The following AVEN variants were observed in gnomAD, a reference collection of about 807,000 sequenced individuals.
AVEN encodes the protein apoptosis and caspase activation inhibitor, also known as cell death regulator Aven.
A neutral mutation model predicts 38.1 loss-of-function variants in AVEN; 41 were observed. The ratio of observed to expected loss-of-function variants is 1.08; its 90% CI spans 0.84 to 1.40. AVEN has a LOEUF of 1.40. AVEN is among the 40% of genes most tolerant of loss of function. AVEN has a pLI of 0.00. For missense variants in AVEN, 605 were observed against 438.8 expected (o/e 1.38, Z -3.38); for synonymous variants, 206 against 171.8 (o/e 1.20, Z -1.56).
chr15:33,894,260 A>G (rs1892113808), intron 2 of AVEN, among the ~76,000 whole-genome samples: 1 of 151,996 alleles, frequency 6.6e-6, no homozygotes, highest in African/African-American at 2.4e-5. Context: ...GATGCCAAGA[A>G]TTTTAAATAG....
At chr15:33,871,774 C>CGAAAAAAAAAAAAAAAAA (rs1890963360) in intron 3 of AVEN, among the ~76,000 whole-genome samples, 1 of 91,588 alleles carries the variant, frequency 1.1e-5, no homozygotes, top group Non-Finnish European at 2.3e-5. Context: ...CTAGTCTCCT[C>CGAAAAAAAAAAAAAAAAA]AAAAAAAAAA....
intron 2 of AVEN, among the ~76,000 whole-genome samples, chr15:33,978,902 A>G (rs529296504): frequency 2.4e-4 from 36 of 150,358 alleles, no homozygotes; most frequent in African/African-American, 8.5e-4. Context: ...TGAAAAATGG[A>G]CAGAGGAAAG....
chr15:33,903,035 T>A (rs1892551682), intron 2 of AVEN, among the ~76,000 whole-genome samples: 9 of 152,274 alleles, frequency 5.9e-5, no homozygotes, highest in Admixed American at 5.2e-4. Context: ...ATCCCTCACC[T>A]TATAAAACAG....
rs1232578742 is a variant in AVEN at position 33,903,355 on chromosome 15, C to T, written c.446-27360G>A. 2.6e-5 allele frequency among the ~76,000 whole-genome samples: 4 copies of T among 152,342 alleles called. No homozygotes were observed. In the East Asian group the frequency reaches 5.8e-4, roughly 22 times the overall value. On this transcript the variant is annotated intron_variant, in intron 2 of 5. Transcript: ENST00000306730. The stretch of plus-strand genomic sequence containing the variant: ...GCAGCAACAGCAGGTCTTCAGTCAG[C>T]TCTGCAATGTGAGGCCCTATACTAG...
chr15:34,073,365 C>CT (rs940342059), intron 1 of AVEN, among the ~76,000 whole-genome samples: 6 of 151,368 alleles, frequency 4.0e-5, no homozygotes, highest in Admixed American at 2.6e-4. Context: ...TGTACAGACA[C>CT]TTTTTTAAAC....
chr15:33,865,501 G>A (rs1447115957), downstream of AVEN: 4 of 384,526 alleles, frequency 1.0e-5, no homozygotes, highest in East Asian at 9.2e-5. Flanking sequence ...CCAGTTCTGA[G>A]GTAACTAGTT....
chr15:33,868,349 C>G (rs1166973053), intron 4 of AVEN, among the ~76,000 whole-genome samples: 1 of 150,962 alleles, frequency 6.6e-6, no homozygotes, highest in East Asian at 2.0e-4. Flanking sequence ...TGGTGAAACC[C>G]TGTCTCTACT....
At chr15:34,026,875 T>G (rs1898496259) in intron 1 of AVEN, among the ~76,000 whole-genome samples, 1 of 152,216 alleles carries the variant, frequency 6.6e-6, no homozygotes. Context: ...AAAACTCTGT[T>G]GTTCCAAAGA....
At chr15:33,895,922 T>C (rs1283852252) in intron 2 of AVEN, among the ~76,000 whole-genome samples, 1 of 152,162 alleles carries the variant, frequency 6.6e-6, no homozygotes, top group Non-Finnish European at 1.5e-5. Context: ...TCACAAAGTC[T>C]GCCCCCTAAT....
chr15:33,911,517 T>C (rs975291542), intron 2 of AVEN, among the ~76,000 whole-genome samples: 11 of 152,210 alleles, frequency 7.2e-5, no homozygotes, highest in Admixed American at 2.0e-4. Context: ...AAAAGAGGTA[T>C]ACATCTTATT....
chr15:34,031,058 C>T (rs1460110217), intron 1 of AVEN, among the ~76,000 whole-genome samples: 2 of 150,704 alleles, frequency 1.3e-5, no homozygotes, highest in Non-Finnish European at 2.9e-5. Context: ...TAACTTGACA[C>T]AGTTAAATAC....
chr15:33,884,498 T>C (rs925680584), intron 2 of AVEN, among the ~76,000 whole-genome samples: 3 of 152,168 alleles, frequency 2.0e-5, no homozygotes, highest in Non-Finnish European at 4.4e-5. Context: ...GTTTATAATA[T>C]CCAGGATTTT....
At chr15:34,011,854 T>G (rs963473445) in intron 1 of AVEN, among the ~76,000 whole-genome samples, 3 of 152,194 alleles carry the variant, frequency 2.0e-5, no homozygotes, top group Non-Finnish European at 4.4e-5. Context: ...TTTCTCAAAG[T>G]CAAGACCTTG....
chr15:33,965,559 C>T (rs1490649155), intron 2 of AVEN, among the ~76,000 whole-genome samples: 1 of 152,046 alleles, frequency 6.6e-6, no homozygotes, highest in Non-Finnish European at 1.5e-5. Context: ...AAGAAAAAAT[C>T]ATTTATCTTA....
intron 2 of AVEN, among the ~76,000 whole-genome samples, chr15:33,948,614 G>A (rs1894598334): frequency 1.3e-5 from 2 of 152,174 alleles, no homozygotes; most frequent in Admixed American, 6.5e-5. Flanking sequence ...TACAGCAGGA[G>A]TTTGAGAACC....
chr15:34,004,867 C>A (rs1351083115), intron 1 of AVEN, among the ~76,000 whole-genome samples: 2 of 151,906 alleles, frequency 1.3e-5, no homozygotes, highest in African/African-American at 4.8e-5. Context: ...AATCTAAAGA[C>A]ATGGTTCAAA....
At chr15:33,935,995 A>T (rs961805486) in intron 2 of AVEN, among the ~76,000 whole-genome samples, 1 of 152,206 alleles carries the variant, frequency 6.6e-6, no homozygotes, top group Non-Finnish European at 1.5e-5. Context: ...TTTCCAGAAA[A>T]CAATCATAAA....
intron 2 of AVEN, among the ~76,000 whole-genome samples, chr15:33,982,067 A>G (rs1896175632): frequency 6.6e-6 from 1 of 151,224 alleles, no homozygotes; most frequent in Non-Finnish European, 1.5e-5. Context: ...AGATTTCACC[A>G]CACTGGCCAG....
intron 2 of AVEN, among the ~76,000 whole-genome samples, chr15:34,067,695 C>T (rs553691282): frequency 9.9e-4 from 150 of 152,264 alleles, no homozygotes; most frequent in African/African-American, 3.4e-3. Context: ...GTGAGTAAAA[C>T]GCTTTCCCTT....
Sources: gnomAD v4.1 joint callset for allele counts (sites outside exome capture counted in the v4.1 genomes callset) on GRCh38, gnomAD v4.1.1 for gene constraint, MANE v1.5 for transcripts, NCBI Gene and HGNC (gene_info 2026-07-23, HGNC 2026-07-21) for gene names.